The following SH3BGRL2 variants were observed in gnomAD, a reference collection of about 807,000 sequenced individuals.
SH3BGRL2 encodes the protein SH3 domain binding glutamate rich protein like 2.
A neutral mutation model predicts 14.8 loss-of-function variants in SH3BGRL2; 21 were observed. That is an observed-to-expected ratio of 1.42 (90% CI 1.01 to 2.05). SH3BGRL2 has a LOEUF of 2.05. Among genes scored for constraint, SH3BGRL2 ranks in the 30% most tolerant of loss-of-function variants. The probability of loss-of-function intolerance (pLI) is 0.00; values close to 1 mark genes in which losing one functional copy is unlikely to be tolerated. For missense variants in SH3BGRL2, 147 were observed against 130.8 expected (o/e 1.12, Z -0.61); for synonymous variants, 50 against 47.8 (o/e 1.05, Z -0.19).
the SH3BGRL2 span, among the ~76,000 whole-genome samples, chr6:79,580,866 GATC>G: frequency 6.6e-6 from 1 of 152,054 alleles, no homozygotes; most frequent in Non-Finnish European, 1.5e-5. Flanking sequence ...TTCTTTAAAA[GATC>G]AACAAAATTG....
chr6:79,664,056 T>C (rs980566526), intron 1 of SH3BGRL2, among the ~76,000 whole-genome samples: 1 of 152,198 alleles, frequency 6.6e-6, no homozygotes, highest in African/African-American at 2.4e-5. Context: ...GTCCTGTTTT[T>C]CCAGGTACAG....
chr6:79,655,097 A>G (rs10455362), intron 1 of SH3BGRL2, among the ~76,000 whole-genome samples: 80,646 of 151,886 alleles, frequency 0.53, 22,844 homozygotes, highest in Non-Finnish European at 0.65. Context: ...GTCTCACTTT[A>G]GCACCCAGTC....
At chr6:79,644,742 A>T (rs1451076592) in intron 1 of SH3BGRL2, among the ~76,000 whole-genome samples, 1 of 152,214 alleles carries the variant, frequency 6.6e-6, no homozygotes, top group Non-Finnish European at 1.5e-5. Flanking sequence ...ATGAAATTGC[A>T]GCCATTATTA....
chr6:79,641,150 T>TTGTGTGTG (rs373404859), intron 1 of SH3BGRL2, among the ~76,000 whole-genome samples: 2,214 of 141,342 alleles, frequency 0.016, 15 homozygotes, highest in South Asian at 0.02. Flanking sequence ...TCTCACCCTT[T>TTGTGTGTG]TGTGTGTGTG....
intron 1 of SH3BGRL2, among the ~76,000 whole-genome samples, chr6:79,669,452 CTTTTTTTTT>C (rs66477199): frequency 1.6e-5 from 2 of 122,962 alleles, no homozygotes; most frequent in East Asian, 2.4e-4. Context: ...AATTTATATT[CTTTTTTTTT>C]TTTTTTTTTT....
intron 2 of SH3BGRL2, among the ~76,000 whole-genome samples, chr6:79,691,016 G>A (rs1695775717): frequency 6.6e-6 from 1 of 152,142 alleles, no homozygotes; most frequent in South Asian, 2.1e-4. Flanking sequence ...ATAGCTGGGT[G>A]TGGTGGTGTG....
At chr6:79,606,566 GC>G in the SH3BGRL2 span, among the ~76,000 whole-genome samples, 1 of 152,132 alleles carries the variant, frequency 6.6e-6, no homozygotes, top group African/African-American at 2.4e-5. Flanking sequence ...GAAGCCACGT[GC>G]TTTTTGGTTA....
At chr6:79,672,180 G>A (rs751120480) in intron 1 of SH3BGRL2, among the ~76,000 whole-genome samples, 118 of 152,050 alleles carry the variant, frequency 7.8e-4, no homozygotes, top group Admixed American at 1.5e-3. Context: ...GGAAGCTAGG[G>A]TGCCACCTCT....
chr6:79,643,008 G>A (rs1769061390), intron 1 of SH3BGRL2, among the ~76,000 whole-genome samples: 1 of 152,168 alleles, frequency 6.6e-6, no homozygotes, highest in Non-Finnish European at 1.5e-5. Context: ...AAGACACCTG[G>A]AAGAGGGGAC....
chr6:79,563,933 T>C, the SH3BGRL2 span, among the ~76,000 whole-genome samples: 1 of 152,182 alleles, frequency 6.6e-6, no homozygotes, highest in Non-Finnish European at 1.5e-5. Context: ...GCTTTAGGAC[T>C]AGGCAGCTGA....
At chr6:79,664,412 T>G (rs1769615999) in intron 1 of SH3BGRL2, among the ~76,000 whole-genome samples, 2 of 152,268 alleles carry the variant, frequency 1.3e-5, no homozygotes, top group African/African-American at 4.8e-5. Context: ...TATGCTGAAT[T>G]ATTATCTGTG....
chr6:79,635,266 T>C (rs1014382159), intron 1 of SH3BGRL2, among the ~76,000 whole-genome samples: 2 of 152,228 alleles, frequency 1.3e-5, no homozygotes, highest in African/African-American at 2.4e-5. Context: ...AACCTAAAGA[T>C]ATTTTTAGTG....
At chr6:79,652,061 A>G (rs1582719787) in intron 1 of SH3BGRL2, among the ~76,000 whole-genome samples, 1 of 152,318 alleles carries the variant, frequency 6.6e-6, no homozygotes, top group East Asian at 1.9e-4. Flanking sequence ...CCAGGAGGGC[A>G]AAATCACCTC....
chr6:79,625,238 A>T, the SH3BGRL2 span, among the ~76,000 whole-genome samples: 1 of 62,494 alleles, frequency 1.6e-5, no homozygotes, highest in African/African-American at 6.3e-5. Flanking sequence ...ATATATACAC[A>T]TATATATATA....
upstream of SH3BGRL2, among the ~76,000 whole-genome samples, chr6:79,626,735 C>G (rs1386433055): frequency 1.3e-5 from 2 of 152,080 alleles, no homozygotes. Context: ...CATGCAAAAA[C>G]CAGAATACTT....
chr6:79,596,704 A>G, the SH3BGRL2 span, among the ~76,000 whole-genome samples: 1 of 152,234 alleles, frequency 6.6e-6, no homozygotes, highest in African/African-American at 2.4e-5. Context: ...GTATTCCCCA[A>G]ATTGATTTAC....
At chr6:79,642,790 A>G (rs1007148820) in intron 1 of SH3BGRL2, among the ~76,000 whole-genome samples, 1 of 152,116 alleles carries the variant, frequency 6.6e-6, no homozygotes, top group Admixed American at 6.5e-5. Context: ...TGTCACCCCA[A>G]ATTTGGTGGG....
intron 2 of SH3BGRL2, among the ~76,000 whole-genome samples, chr6:79,686,512 C>T (rs1039098066): frequency 3.9e-5 from 6 of 152,110 alleles, no homozygotes; most frequent in Non-Finnish European, 7.4e-5. Context: ...GTTTTTAGCT[C>T]TATGCTATCC....
the SH3BGRL2 span, among the ~76,000 whole-genome samples, chr6:79,613,897 C>T: frequency 6.6e-6 from 1 of 152,180 alleles, no homozygotes; most frequent in Non-Finnish European, 1.5e-5. Flanking sequence ...TGTGAGCCAC[C>T]ATGCCCGGCC....
Sources: allele counts gnomAD v4.1 joint callset (sites outside exome capture counted in the v4.1 genomes callset), GRCh38; gene constraint gnomAD v4.1.1; transcripts MANE v1.5; gene names NCBI Gene and HGNC (gene_info 2026-07-23, HGNC 2026-07-21).